Variants in SRSF9 observed in about 807,000 individuals in gnomAD.
SRSF9 encodes serine and arginine rich splicing factor 9.
SRSF9 carries 3 observed loss-of-function variants against 25.9 expected under a neutral mutation model. That is an observed-to-expected ratio of 0.12 (90% CI 0.05 to 0.30). The LOEUF (loss-of-function observed/expected upper bound fraction) is 0.30. Among genes scored for constraint, SRSF9 ranks in the 10% least tolerant of loss-of-function variants. The pLI is 1.00. For missense variants in SRSF9, 161 were observed against 303.5 expected, an observed-to-expected ratio of 0.53 and a Z score of 3.49; for synonymous variants, 114 against 113.2, an observed-to-expected ratio of 1.01 and a Z score of -0.05.
rs768484451 is a variant in SRSF9 at position 120,469,475 on chromosome 12, G to C, written c.135C>G (p.Leu45=). 1.2e-6 allele frequency: 2 copies of C among 1,601,682 alleles called. No homozygotes were observed. The highest frequency in any genetic ancestry group is 1.7e-5 in the Admixed American group (1 of 58,730). The part of the protein sequence containing the change: ...YKYGRIREIE[L]KNRHGLVPFA... ...AGGGCACGAGGCCGTGCCGGTTCTT[G>C]AGCTCGATCTCGCGGATGCGGCCGT... Residue 45 remains leucine (L), a synonymous_variant, in exon 1 of 4, where the codon CTC becomes CTG. Coordinates refer to ENST00000229390, the MANE Select transcript of SRSF9 (RefSeq NM_003769.3).
At chr12:120,469,051 C>A (rs1035234345) in intron 1 of SRSF9, among the ~76,000 whole-genome samples, 1 of 152,160 alleles carries the variant, frequency 6.6e-6, no homozygotes, top group South Asian at 2.1e-4. Flanking sequence ...GAAGGGCGAA[C>A]GGCGACCCCC....
Position 120,469,468 on chromosome 12 carries a change from G to C in SRSF9, c.142C>G (p.Arg48Gly). The change falls in exon 1 of 4, where the codon CGG (arginine) becomes GGG (glycine). Residue 48 changes from arginine (R) to glycine (G), a missense_variant. Around this residue, in one of 3 missense-constraint regions of SRSF9, gnomAD observed 99 missense variants for 156.7 expected, o/e 0.63. Coordinates refer to ENST00000229390, the MANE Select transcript of SRSF9 (RefSeq NM_003769.3). The part of the protein sequence containing the change: ...GRIREIELKN[R>G]HGLVPFAFVR... ...AAGGCGAAGGGCACGAGGCCGTGCC[G>C]GTTCTTGAGCTCGATCTCGCGGATG... is the stretch of plus-strand genomic sequence containing the variant. 1.3e-5 allele frequency: 21 copies of C among 1,599,124 alleles called. No homozygotes were observed. The highest frequency in any genetic ancestry group is 1.8e-5 in the Non-Finnish European group (21 of 1,174,066).
Sources: gnomAD v4.1 joint callset for allele counts (sites outside exome capture counted in the v4.1 genomes callset) on GRCh38, gnomAD v4.1.1 for gene constraint, gnomAD v4.1.1 regional missense constraint, MANE v1.5 for transcripts, NCBI Gene and HGNC (gene_info 2026-07-23, HGNC 2026-07-21) for gene names.